ITGAL: variants seen among roughly 807,000 people sequenced by gnomAD.
ITGAL encodes the protein integrin subunit alpha L.
In ITGAL, 68 loss-of-function variants were observed where a neutral mutation model predicts 138.4. That is an observed-to-expected ratio of 0.49 (90% CI 0.40 to 0.60). The LOEUF is 0.60. Among genes scored for constraint, ITGAL ranks in the 20% least tolerant of loss-of-function variants. The pLI, the probability that ITGAL is intolerant of heterozygous loss-of-function variation, is 0.00. For missense variants in ITGAL, 1,256 were observed against 1,478.6 expected, an observed-to-expected ratio of 0.85 and a Z score of 2.47; for synonymous variants, 561 against 584.3, an observed-to-expected ratio of 0.96 and a Z score of 0.57.
chr16:30,506,547 A>G (rs1186748252), intron 20 of ITGAL, among the ~76,000 whole-genome samples, 168 bp from the exon 21 acceptor site: 1 of 111,940 alleles, frequency 8.9e-6, no homozygotes, highest in Non-Finnish European at 1.7e-5. Flanking sequence ...TGACAGAGTG[A>G]GACTCCATCT....
chr16:30,500,057 A>ATTATTTAT lies in ITGAL; in HGVS notation c.2145+607_2145+614dup, dbSNP rs34854709. 3.4e-3 allele frequency among the ~76,000 whole-genome samples: 432 copies of ATTATTTAT among 125,502 alleles called. 1 individual carries two copies. Among genetic ancestry groups the ATTATTTAT allele is most frequent in the East Asian group, 8.0e-3 (34 of 4,246 alleles). The allele number at this position is 125,502 out of a possible 152,430, so 82.3% of individuals were successfully genotyped here. A position where few individuals can be genotyped will look rare whatever the true frequency, so the allele number is the denominator to read the frequency against. On this transcript the variant is annotated intron_variant, in intron 17 of 30. Transcript: ENST00000356798. ...AGCCATCGCTCCTGGCCTATTTTAT[A>ATTATTTAT]TTATTTATTTATTTATTTATTTATT... is the stretch of plus-strand genomic sequence containing the variant.
In ITGAL at chr16:30,517,653, C is replaced by T. The variant is rs780418137; in HGVS notation, c.2981C>T (p.Pro994Leu). ...AGACCTGCCGCTTGTTCCTAGGAGC[C>T]TCCCGTGCCCTGCCACTATGAGGAT... Reference protein sequence around the residue: ...ITHQWSVQMEPPVPCHYEDLE... With the variant: ...ITHQWSVQMELPVPCHYEDLE... Residue 994 changes from proline to leucine, a missense_variant, in exon 27 of 31, where the codon CCT (proline) becomes CTT (leucine). Physicochemically the swap from Pro to Leu is moderately conservative, Grantham distance 98. This residue lies in a region of ITGAL where 867 missense variants were observed against 972.5 expected (regional missense o/e 0.89). Coordinates refer to ENST00000356798, the MANE Select transcript of ITGAL (RefSeq NM_002209.3). 6.2e-7 allele frequency: 1 copy of T among 1,613,942 alleles called. No homozygotes were observed. The highest frequency in any genetic ancestry group is 8.5e-7 in the Non-Finnish European group (1 of 1,179,834).
intron 4 of ITGAL, among the ~76,000 whole-genome samples, chr16:30,477,832 G>A (rs771211796): frequency 6.6e-6 from 1 of 151,850 alleles, no homozygotes; most frequent in Non-Finnish European, 1.5e-5. Context: ...GCTGCAGTGA[G>A]CCATGATTGT....
intron 1 of ITGAL, 123 bp downstream of exon 1, chr16:30,473,021 G>A: frequency 3.6e-6 from 3 of 826,846 alleles, no homozygotes; most frequent in Non-Finnish European, 6.0e-6. Flanking sequence ...TAGGGATATG[G>A]GGCCCAGGGA....
intron 21 of ITGAL, among the ~76,000 whole-genome samples, chr16:30,507,725 G>A (rs894965776): frequency 6.6e-6 from 1 of 151,888 alleles, no homozygotes; most frequent in Admixed American, 6.6e-5. Flanking sequence ...GAGCTCAAGC[G>A]ATCTGCCTAC....
chr16:30,517,311 A>G (rs1383109333), intron 26 of ITGAL, among the ~76,000 whole-genome samples: 2 of 152,092 alleles, frequency 1.3e-5, no homozygotes, highest in Non-Finnish European at 2.9e-5. Context: ...AAAATTATCC[A>G]GGCATGCATG....
chr16:30,510,847 C>G (rs752094608), intron 22 of ITGAL, 34 bp from the exon 23 acceptor site: 1 of 1,571,290 alleles, frequency 6.4e-7, no homozygotes, highest in Non-Finnish European at 8.8e-7. Context: ...CCTCATGACC[C>G]TTCCATTTCC....
chr16:30,479,523 A>G, intron 6 of ITGAL, 62 bp downstream of exon 6: 1 of 1,524,664 alleles, frequency 6.6e-7, no homozygotes, highest in East Asian at 2.4e-5. Flanking sequence ...ACTGACTTAA[A>G]CCATGAAAGG....
At chr16:30,474,370 C>G in intron 2 of ITGAL, 72 bp downstream of exon 2, 2 of 1,036,890 alleles carry the variant, frequency 1.9e-6, no homozygotes, top group Non-Finnish European at 2.9e-6. Context: ...GGCCGCCTCC[C>G]CGACCCTCGC....
Position 30,499,100 on chromosome 16 carries a change from C to A in ITGAL, c.1859C>A (p.Thr620Asn). 6.2e-7 allele frequency: 1 copy of A among 1,614,058 alleles called. No individual in the cohort carries two copies. The highest frequency in any genetic ancestry group is 8.5e-7 in the Non-Finnish European group (1 of 1,180,018). Residue 620 changes from threonine (T) to asparagine (N), a missense_variant, in exon 16 of 31, where the codon ACC (threonine) becomes AAC (asparagine). Thr to Asn is a moderately conservative substitution (Grantham distance 65, BLOSUM62 0). Transcript: ENST00000356798. ...LSSRPVVDMVTLMSFSPAEIP... is the reference protein window; with the variant it reads ...LSSRPVVDMVNLMSFSPAEIP... ...TCCCGGCCCGTGGTGGATATGGTCA[C>A]CCTGATGTCCTTCTCTCCAGCTGAG...
intron 6 of ITGAL, chr16:30,481,213 G>C: frequency 2.1e-6 from 1 of 472,544 alleles, no homozygotes; most frequent in Non-Finnish European, 3.8e-6. Flanking sequence ...GGGTGTGGTG[G>C]CACGTGCCTG....
intron 17 of ITGAL, among the ~76,000 whole-genome samples, chr16:30,502,370 C>G (rs2050915188): frequency 7.2e-6 from 1 of 139,764 alleles, no homozygotes; most frequent in Non-Finnish European, 1.5e-5. Context: ...GCACTCCAGC[C>G]TGGGCGACAG....
intron 9 of ITGAL, among the ~76,000 whole-genome samples, chr16:30,486,797 TTTG>T (rs1393922755): frequency 2.0e-5 from 3 of 152,026 alleles, no homozygotes; most frequent in Non-Finnish European, 4.4e-5. Flanking sequence ...GAAGGAGTTT[TTTG>T]TTGTTGTTGT....
chr16:30,474,673 A>C, intron 2 of ITGAL: 1 of 190,708 alleles, frequency 5.2e-6, no homozygotes, highest in Non-Finnish European at 1.1e-5. Flanking sequence ...TAAGCCATGA[A>C]TGGCTTTTGA....
intron 25 of ITGAL, 152 bp downstream of exon 25, chr16:30,513,998 C>G: frequency 1.6e-6 from 1 of 644,824 alleles, no homozygotes. Flanking sequence ...CCTCCACTTA[C>G]AGGCTTCCAG....
In ITGAL at chr16:30,496,154, T is replaced by G. The variant is rs1382792976; in HGVS notation, c.1561T>G (p.Phe521Val). The part of the protein sequence containing the change: ...QGDPGYPLGR[F>V]GEAITALTDI... ...GGACCCCGGCTACCCACTCGGGCGG[T>G]TTGGAGAAGCCATCACTGCTCTGAC... Residue 521 changes from phenylalanine to valine, a missense_variant, in exon 14 of 31, where the codon TTT (phenylalanine) becomes GTT (valine). Physicochemically the swap from Phe to Val is conservative, Grantham distance 50. This residue lies in a region of ITGAL where 867 missense variants were observed against 972.5 expected (regional missense o/e 0.89). Coordinates refer to ENST00000356798, the MANE Select transcript of ITGAL (RefSeq NM_002209.3). The G allele has an allele frequency of 1.2e-6, 2 of 1,613,968 alleles. No individual in the cohort carries two copies. Among genetic ancestry groups the G allele is most frequent in the Non-Finnish European group, 1.7e-6 (2 of 1,179,986 alleles).
chr16:30,479,394 A>G lies in ITGAL; in HGVS notation c.509A>G (p.Asp170Gly). ...LFDGSMSLQPDEFQKILDFMK... is the reference protein window; with the variant it reads ...LFDGSMSLQPGEFQKILDFMK... ...GATGGTTCGATGAGCTTGCAGCCAG[A>G]TGAATTTCAGAAAATTCTGGACTTC... is the stretch of plus-strand genomic sequence containing the variant. The change falls in exon 6 of 31, where the codon GAT becomes GGT. Residue 170 changes from aspartate (D) to glycine (G), a missense_variant. Physicochemically the swap from Asp to Gly is moderately conservative, Grantham distance 94 (BLOSUM62 -1). Transcript: ENST00000356798. The G allele has an allele frequency of 6.2e-7, 1 of 1,614,158 alleles. No individual in the cohort carries two copies. Among genetic ancestry groups the G allele is most frequent in the Non-Finnish European group, 8.5e-7 (1 of 1,180,004 alleles).
chr16:30,488,921 A>T (rs2050684754), intron 9 of ITGAL, 161 bp from the exon 10 acceptor site: 3 of 642,802 alleles, frequency 4.7e-6, no homozygotes, highest in Non-Finnish European at 8.6e-6. Flanking sequence ...GGTAAAAGCC[A>T]ACTCCGCATT....
intron 28 of ITGAL, 109 bp downstream of exon 28, chr16:30,518,004 T>G: frequency 1.2e-6 from 1 of 833,150 alleles, no homozygotes; most frequent in South Asian, 1.4e-5. Flanking sequence ...GTTTTCCATC[T>G]TGATGAAAAA....
Sources: allele counts gnomAD v4.1 joint callset (sites outside exome capture counted in the v4.1 genomes callset), GRCh38; gene constraint gnomAD v4.1.1; regional missense constraint gnomAD v4.1.1; transcripts MANE v1.5; gene names NCBI Gene and HGNC (gene_info 2026-07-23, HGNC 2026-07-21).